The following DOP1B variants were observed in gnomAD, a reference collection of about 807,000 sequenced individuals.
DOP1B encodes DOP1 leucine zipper like protein B.
In DOP1B, 174 loss-of-function variants were observed where a neutral mutation model predicts 233.5. The observed-to-expected ratio is 0.75, with a 90% CI of 0.66 to 0.85. The LOEUF (loss-of-function observed/expected upper bound fraction) is 0.85. Among genes scored for constraint, DOP1B ranks in the 40% least tolerant of loss-of-function variants. The probability of loss-of-function intolerance (pLI) is 0.00; values close to 1 mark genes in which losing one functional copy is unlikely to be tolerated. For synonymous variants in DOP1B, 1,190 were observed against 1,185.6 expected, an observed-to-expected ratio of 1.00 and a Z score of -0.08; for missense variants, 2,652 against 2,846.6, an observed-to-expected ratio of 0.93 and a Z score of 1.56.
At chr21:36,205,150 G>T (rs2066413241) in intron 4 of DOP1B, among the ~76,000 whole-genome samples, 1 of 152,198 alleles carries the variant, frequency 6.6e-6, no homozygotes, top group Non-Finnish European at 1.5e-5. Flanking sequence ...GGCTTTCCAT[G>T]GTTGTCCTTT....
intron 2 of DOP1B, among the ~76,000 whole-genome samples, chr21:36,176,087 G>GGT (rs1032491278): frequency 0.018 from 1,731 of 96,566 alleles, 32 homozygotes; most frequent in African/African-American, 0.056. Context: ...TCGACTTTGG[G>GGT]GTGTGTGTGC....
At chr21:36,259,992 G>C (rs1245064936) in intron 23 of DOP1B, among the ~76,000 whole-genome samples, 1 of 151,954 alleles carries the variant, frequency 6.6e-6, no homozygotes, top group Non-Finnish European at 1.5e-5. Flanking sequence ...GCTGGGCTTG[G>C]AGTCATCTTC....
intron 32 of DOP1B, among the ~76,000 whole-genome samples, chr21:36,285,399 T>A (rs562392789): frequency 6.6e-6 from 1 of 151,832 alleles, no homozygotes; most frequent in African/African-American, 2.4e-5. Context: ...TCGTTTTGGA[T>A]AGCTCAAGTG....
intron 17 of DOP1B, among the ~76,000 whole-genome samples, chr21:36,239,477 T>G (rs2066867084): frequency 1.3e-5 from 2 of 152,194 alleles, no homozygotes; most frequent in South Asian, 4.1e-4. Flanking sequence ...CACTCGGCCT[T>G]AGAGACACCA....
chr21:36,270,273 C>T, intron 27 of DOP1B, 116 bp downstream of exon 27: 1 of 1,249,076 alleles, frequency 8.0e-7, no homozygotes, highest in Non-Finnish European at 1.1e-6. Context: ...TTAAGGTAGG[C>T]TGGGTGCGGT....
intron 2 of DOP1B, among the ~76,000 whole-genome samples, chr21:36,192,945 C>T (rs1045280031): frequency 2.6e-5 from 4 of 152,170 alleles, no homozygotes; most frequent in Non-Finnish European, 5.9e-5. Flanking sequence ...ACCTTGGCCT[C>T]CCAAAGTGCT....
intron 13 of DOP1B, among the ~76,000 whole-genome samples, chr21:36,230,097 A>G (rs2066741722): frequency 6.6e-6 from 1 of 152,034 alleles, no homozygotes; most frequent in African/African-American, 2.4e-5. Context: ...CAGCCTCCCT[A>G]AGTGCTGGGA....
rs778789753 is a variant in DOP1B at position 36,281,561 on chromosome 21, T to A, written c.6110T>A (p.Val2037Asp). ...CTGTTAAAGCGCCAGGCTTTTGCTGTCTTCAGTGGAGAACTTGATCAATAC... is the reference window on the plus strand; with the variant it reads ...CTGTTAAAGCGCCAGGCTTTTGCTGACTTCAGTGGAGAACTTGATCAATAC... ...AMLLKRQAFA[V>D]FSGELDQYHL... is the part of the protein sequence containing the mutation. The change falls in exon 32 of 37, where the codon GTC becomes GAC. Residue 2037 changes from valine to aspartate, a missense_variant. Transcript: ENST00000691173. 1 of 1,609,658 alleles carries A rather than the reference T, an allele frequency of 6.2e-7. No homozygotes were observed. Among genetic ancestry groups the A allele is most frequent in the Admixed American group, 1.7e-5 (1 of 59,932 alleles).
chr21:36,200,442 G>A lies in DOP1B; in HGVS notation c.432G>A (p.Leu144=), dbSNP rs779090354. ...TGCAGAAGCTGCTCCTGCCCAGTCT[G>A]CAGGCCTTCATCGTGGGCCTGCTGC... ...LPLQKLLLPS[L]QAFIVGLLPG... is the part of the protein sequence containing the mutation. The change falls in exon 4 of 37, where the codon CTG becomes CTA. Residue 144 remains leucine, a synonymous_variant. Coordinates refer to ENST00000691173, the MANE Select transcript of DOP1B (RefSeq NM_001320714.2). The A allele has an allele frequency of 6.2e-7, 1 of 1,613,234 alleles. No individual in the cohort carries two copies. Among genetic ancestry groups the A allele is most frequent in the East Asian group, 2.2e-5 (1 of 44,868 alleles).
intron 15 of DOP1B, among the ~76,000 whole-genome samples, chr21:36,234,020 A>C (rs550227371): frequency 2.6e-4 from 40 of 151,816 alleles, no homozygotes; most frequent in Non-Finnish European, 4.6e-4. Flanking sequence ...CACCTGGCTA[A>C]TTTTTGTATT....
chr21:36,288,415 G>T (rs1384713532), intron 33 of DOP1B, among the ~76,000 whole-genome samples: 1 of 152,086 alleles, frequency 6.6e-6, no homozygotes, highest in Non-Finnish European at 1.5e-5. Flanking sequence ...AATTTGGGCT[G>T]GGCGTGGTAG....
chr21:36,165,357 A>G (rs2123390406), intron 2 of DOP1B, among the ~76,000 whole-genome samples: 1 of 152,288 alleles, frequency 6.6e-6, no homozygotes, highest in Admixed American at 6.5e-5. Context: ...TCCTAGAAGA[A>G]TAAAAGTTGA....
chr21:36,177,462 A>C (rs972679189), intron 2 of DOP1B, among the ~76,000 whole-genome samples: 1 of 152,158 alleles, frequency 6.6e-6, no homozygotes, highest in Non-Finnish European at 1.5e-5. Flanking sequence ...GTGGGGCTGG[A>C]GGTAGTCCAG....
intron 27 of DOP1B, among the ~76,000 whole-genome samples, chr21:36,273,523 G>T (rs2067314759): frequency 1.3e-5 from 2 of 152,172 alleles, no homozygotes; most frequent in African/African-American, 4.8e-5. Context: ...GTGGCTGGTA[G>T]TGGGGCAGGG....
intron 27 of DOP1B, among the ~76,000 whole-genome samples, chr21:36,274,348 T>A (rs1457403799): frequency 6.6e-6 from 1 of 152,086 alleles, no homozygotes; most frequent in Non-Finnish European, 1.5e-5. Context: ...TGCTGATGGA[T>A]CGGATGTAGT....
intron 11 of DOP1B, among the ~76,000 whole-genome samples, chr21:36,224,323 G>A (rs1264770154): frequency 6.6e-6 from 1 of 151,800 alleles, no homozygotes; most frequent in Non-Finnish European, 1.5e-5. Flanking sequence ...GCGACTACAG[G>A]TGCACGCCAC....
intron 14 of DOP1B, among the ~76,000 whole-genome samples, chr21:36,231,780 T>G (rs1442404065): frequency 6.6e-6 from 1 of 150,570 alleles, no homozygotes; most frequent in East Asian, 2.0e-4. Flanking sequence ...TGGGTTCAAG[T>G]GATTCTTCTG....
chr21:36,204,436 C>T (rs1601408916), intron 4 of DOP1B, among the ~76,000 whole-genome samples: 2 of 152,102 alleles, frequency 1.3e-5, no homozygotes, highest in African/African-American at 4.8e-5. Flanking sequence ...GGGCCCCTAT[C>T]GTGGAGGAAA....
rs8128892 is a variant in DOP1B at position 36,193,715 on chromosome 21, C to T, written c.139-5355C>T. Among the ~76,000 whole-genome samples, 926 of 152,184 alleles carry T rather than the reference C, an allele frequency of 6.1e-3. 9 individuals are homozygous for T. The highest frequency in any genetic ancestry group is 0.021 in the African/African-American group (856 of 41,504). On this transcript the variant is annotated intron_variant, in intron 2 of 36. Coordinates refer to ENST00000691173, the MANE Select transcript of DOP1B (RefSeq NM_001320714.2). ...CCTTCAGTGAGACTGAAGGGCATCA[C>T]GGAAAAGTCTCGTAAGGTGGAATTG...
Sources: gnomAD v4.1 joint callset for allele counts (sites outside exome capture counted in the v4.1 genomes callset) on GRCh38, gnomAD v4.1.1 for gene constraint, MANE v1.5 for transcripts, NCBI Gene and HGNC (gene_info 2026-07-23, HGNC 2026-07-21) for gene names.